Variants in DTYMK observed in about 807,000 individuals in gnomAD.
The protein encoded by DTYMK is deoxythymidylate kinase.
DTYMK carries 20 observed loss-of-function variants against 20.3 expected under a neutral mutation model. The observed-to-expected ratio is 0.99, with a 90% CI of 0.69 to 1.43. The LOEUF is 1.43. Ranked by LOEUF, DTYMK falls within the 40% of genes most tolerant of loss-of-function variation. The pLI is 0.00. For synonymous variants in DTYMK, 148 were observed against 124.4 expected (o/e 1.19, Z -1.27); for missense variants, 320 against 291.1 (o/e 1.10, Z -0.72).
At chr2:241,683,923 C>T (rs1181203923) in intron 2 of DTYMK, among the ~76,000 whole-genome samples, 5 of 151,844 alleles carry the variant, frequency 3.3e-5, no homozygotes, top group Admixed American at 2.0e-4. Context: ...TGTGCATGGT[C>T]GTACGCGCCT....
At chr2:241,676,504 A>G (rs1228723337) in intron 4 of DTYMK, among the ~76,000 whole-genome samples, 1 of 152,080 alleles carries the variant, frequency 6.6e-6, no homozygotes, top group Non-Finnish European at 1.5e-5. Flanking sequence ...GCTCGTGGGG[A>G]TTTCACACAG....
chr2:241,683,887 G>C (rs1382452557), intron 2 of DTYMK, among the ~76,000 whole-genome samples: 1 of 152,072 alleles, frequency 6.6e-6, no homozygotes, highest in Non-Finnish European at 1.5e-5. Flanking sequence ...GTGAAACCCT[G>C]TCTCTACTAA....
In DTYMK at chr2:241,686,765, C is replaced by G. The variant is rs2069427824; in HGVS notation, c.19G>C (p.Ala7Pro). The change falls in exon 1 of 5, where the codon GCT becomes CCT. Residue 7 changes from alanine (A) to proline (P), a missense_variant. Coordinates refer to ENST00000305784, the MANE Select transcript of DTYMK (RefSeq NM_012145.4). MAARRG[A>P]LIVLEGVDRA... is the part of the protein sequence containing the mutation. ...TCCACGCCCTCCAGCACTATGAGAG[C>G]CCCGCGCCGGGCCGCCATGACTGTC... 1 of 1,467,832 alleles carries G rather than the reference C, an allele frequency of 6.8e-7. No individual in the cohort carries two copies. Among genetic ancestry groups the G allele is most frequent in the Non-Finnish European group, 8.9e-7 (1 of 1,124,188 alleles). 90.9% of individuals were successfully genotyped at this position (1,467,832 alleles called of 1,614,324 possible). A position where few individuals can be genotyped will look rare whatever the true frequency, so the allele number is the denominator to read the frequency against.
chr2:241,678,993 G>A (rs540426339), intron 3 of DTYMK, among the ~76,000 whole-genome samples: 6 of 152,266 alleles, frequency 3.9e-5, no homozygotes, highest in African/African-American at 9.6e-5. Context: ...GGAGACCCCC[G>A]GCCTAGAACG....
At chr2:241,678,350 C>T (rs565900953) in intron 4 of DTYMK, 102 bp downstream of exon 4, 146 of 1,518,332 alleles carry the variant, frequency 9.6e-5, no homozygotes, top group Middle Eastern at 4.7e-4. Context: ...GAGGACCAGA[C>T]GGAAACGGCA....
rs1258504452 is a variant in DTYMK at position 241,686,595 on chromosome 2, G to GC, written c.130+58dup. The stretch of plus-strand genomic sequence containing the variant: ...CGCAGACAACGAAGCGGAGCAAAGA[G>GC]CCCCTGGGAAGGCAGAGGCACCGAA... On this transcript the variant is annotated intron_variant, in intron 1 of 4. Transcript: ENST00000305784. The GC allele has an allele frequency of 1.1e-5, 16 of 1,430,220 alleles. No individual in the cohort carries two copies. The African/African-American group carries it at 1.5e-4, about 13-fold the overall frequency. The allele number at this position is 1,430,220 out of a possible 1,614,324, so 88.6% of individuals were successfully genotyped here. A position where few individuals can be genotyped will look rare whatever the true frequency, so the allele number is the denominator to read the frequency against.
Position 241,686,795 on chromosome 2 carries a change from G to A in DTYMK, c.-12C>T. 6.9e-7 allele frequency: 1 copy of A among 1,443,136 alleles called. No individual in the cohort carries two copies. The highest frequency in any genetic ancestry group is 1.5e-5 in the South Asian group (1 of 68,460). 89.4% of individuals were successfully genotyped at this position (1,443,136 alleles called of 1,614,324 possible). ...CGCCGGGCCGCCATGACTGTCCACCGCCCGCCGCTGGCGTCTCCACGCAGC... is the reference window on the plus strand; with the variant it reads ...CGCCGGGCCGCCATGACTGTCCACCACCCGCCGCTGGCGTCTCCACGCAGC... On this transcript the variant is annotated 5_prime_UTR_variant, in exon 1 of 5. Transcript: ENST00000305784.
intron 2 of DTYMK, chr2:241,685,522 T>TA (rs1183407001): frequency 1.4e-5 from 5 of 349,582 alleles, no homozygotes; most frequent in African/African-American, 4.1e-5. Flanking sequence ...GAACTCCGTC[T>TA]AAAAAAACCC....
At position 241,685,808 on chromosome 2, in the gene DTYMK, G is replaced by T; in HGVS notation, c.200C>A (p.Ser67Ter). The T allele has an allele frequency of 6.2e-7, 1 of 1,614,176 alleles. No homozygotes were observed. The highest frequency in any genetic ancestry group is 8.5e-7 in the Non-Finnish European group (1 of 1,180,012). ...LQKKSDVEDHSVHLLFSANRW... is the reference protein window; with the variant it reads ...LQKKSDVEDH ...ATTTGCAGAAAAAAGCAGGTGCACC[G>T]AGTGATCCTCCACGTCACTTTTCTT... Residue 67 changes from serine to a stop codon, truncating the protein, a stop_gained, in exon 2 of 5, where the codon TCG becomes TAG. Coordinates refer to ENST00000305784, the MANE Select transcript of DTYMK (RefSeq NM_012145.4). LOFTEE classifies it high-confidence loss of function.
intron 2 of DTYMK, among the ~76,000 whole-genome samples, chr2:241,683,086 A>T (rs971093463): frequency 1.3e-5 from 2 of 151,896 alleles, no homozygotes; most frequent in Admixed American, 1.3e-4. Context: ...ACCCTGTCCC[A>T]AAAAAAAGAG....
At chr2:241,683,997 C>T (rs537248946) in intron 2 of DTYMK, among the ~76,000 whole-genome samples, 1 of 152,150 alleles carries the variant, frequency 6.6e-6, no homozygotes, top group Admixed American at 6.6e-5. Context: ...GCGGCGGTTG[C>T]AGTGAGCCGA....
At chr2:241,685,738 G>A in intron 2 of DTYMK, 31 bp downstream of exon 2, 1 of 1,600,094 alleles carries the variant, frequency 6.2e-7, no homozygotes, top group Non-Finnish European at 8.6e-7. Context: ...AAGTGGCAAG[G>A]GCAGAGGGAG....
chr2:241,679,539 C>T (rs1259948347), intron 3 of DTYMK, among the ~76,000 whole-genome samples: 10 of 151,986 alleles, frequency 6.6e-5, no homozygotes, highest in South Asian at 2.1e-4. Flanking sequence ...GAGGCTGAAG[C>T]GGGAGGATCA....
In DTYMK at chr2:241,676,096, G is replaced by A; in HGVS notation, c.*31C>T. 6.3e-7 allele frequency: 1 copy of A among 1,578,926 alleles called. No homozygotes were observed. On this transcript the variant is annotated 3_prime_UTR_variant, in exon 5 of 5. Transcript: ENST00000305784. Reference sequence around the variant, plus strand: ...GTCTCCCACCTCTCGGGGGACTGCAGGGAGAGGCGTCTCCAGTGGGCAGCC... The same window carrying A: ...GTCTCCCACCTCTCGGGGGACTGCAAGGAGAGGCGTCTCCAGTGGGCAGCC...
intron 2 of DTYMK, chr2:241,681,951 G>C (rs2069266856): frequency 3.7e-6 from 1 of 269,532 alleles, no homozygotes; most frequent in Admixed American, 5.2e-5. Context: ...GGCTGAGGCA[G>C]GAGGATCACT....
At chr2:241,677,626 T>G in intron 4 of DTYMK, among the ~76,000 whole-genome samples, 1 of 151,234 alleles carries the variant, frequency 6.6e-6, no homozygotes, top group African/African-American at 2.4e-5. Flanking sequence ...GCGACTGGAG[T>G]CTGGGAGAGA....
rs1297095385 is a variant in DTYMK at position 241,686,556 on chromosome 2, C to A, written c.130+98G>T. Reference sequence around the variant, plus strand: ...CTTTCAAAATAAAAACCGCACAGTTCACAGCACGCCAGCCGCAGACAACGA... The same window carrying A: ...CTTTCAAAATAAAAACCGCACAGTTAACAGCACGCCAGCCGCAGACAACGA... On this transcript the variant is annotated intron_variant, in intron 1 of 4. Coordinates refer to ENST00000305784, the MANE Select transcript of DTYMK (RefSeq NM_012145.4). The A allele has an allele frequency of 2.2e-6, 3 of 1,383,562 alleles. No homozygotes were observed. In the African/African-American group the frequency reaches 4.6e-5, roughly 21 times the overall value. The allele number at this position is 1,383,562 out of a possible 1,614,324, so 85.7% of individuals were successfully genotyped here.
chr2:241,685,714 C>T (rs2069374578), intron 2 of DTYMK, 55 bp downstream of exon 2: 14 of 1,551,298 alleles, frequency 9.0e-6, no homozygotes, highest in Non-Finnish European at 1.2e-5. Flanking sequence ...TTCACTGAAT[C>T]TCAGGAGGAA....
At chr2:241,679,189 C>CGGGT (rs1294105496) in intron 3 of DTYMK, among the ~76,000 whole-genome samples, 19 of 152,316 alleles carry the variant, frequency 1.2e-4, no homozygotes, top group African/African-American at 4.6e-4. Flanking sequence ...GTGCCAGCAC[C>CGGGT]CTCTCTCCCT....
Sources: allele counts gnomAD v4.1 joint callset (sites outside exome capture counted in the v4.1 genomes callset), GRCh38; gene constraint gnomAD v4.1.1; transcripts MANE v1.5; gene names NCBI Gene and HGNC (gene_info 2026-07-23, HGNC 2026-07-21).